ARHGAP15: variants seen among roughly 807,000 people sequenced by gnomAD.
ARHGAP15 encodes the protein Rho GTPase activating protein 15, also known as rho GTPase-activating protein 15.
ARHGAP15 carries 51 observed loss-of-function variants against 63.7 expected under a neutral mutation model. The observed-to-expected ratio is 0.80, with a 90% CI of 0.64 to 1.01. The LOEUF is 1.01. Among genes scored for constraint, ARHGAP15 ranks in the 50% least tolerant of loss-of-function variants. The pLI is 0.00. For synonymous variants in ARHGAP15, 191 were observed against 193.8 expected (o/e 0.99, Z 0.12); for missense variants, 560 against 564.6 (o/e 0.99, Z 0.08).
chr2:143,733,600 T>C (rs1364617944), intron 13 of ARHGAP15, among the ~76,000 whole-genome samples: 1 of 152,208 alleles, frequency 6.6e-6, no homozygotes. Context: ...GAAAATACAG[T>C]AGCAAGTTTA....
At chr2:143,741,449 A>G (rs1163088442) in intron 13 of ARHGAP15, among the ~76,000 whole-genome samples, 1 of 152,138 alleles carries the variant, frequency 6.6e-6, no homozygotes, top group Non-Finnish European at 1.5e-5. Flanking sequence ...TCCCCCCAAA[A>G]AGGTTGGAAT....
chr2:143,428,145 A>G (rs1432641236), intron 6 of ARHGAP15, among the ~76,000 whole-genome samples: 1 of 152,036 alleles, frequency 6.6e-6, no homozygotes, highest in Admixed American at 6.6e-5. Context: ...GGGAATATCT[A>G]TTTCAAAGAA....
intron 6 of ARHGAP15, among the ~76,000 whole-genome samples, chr2:143,405,843 T>A (rs974626247): frequency 1.3e-5 from 2 of 151,900 alleles, no homozygotes; most frequent in African/African-American, 2.4e-5. Context: ...GAAGTCAGCA[T>A]GTTTTGCTCT....
chr2:143,763,382 C>T (rs182396700), intron 13 of ARHGAP15, among the ~76,000 whole-genome samples: 112 of 152,136 alleles, frequency 7.4e-4, no homozygotes, highest in Non-Finnish European at 1.4e-3. Flanking sequence ...CAGACATTCC[C>T]AGTTTGGGGG....
At chr2:143,645,714 A>G (rs552578804) in intron 12 of ARHGAP15, among the ~76,000 whole-genome samples, 1 of 152,216 alleles carries the variant, frequency 6.6e-6, no homozygotes, top group South Asian at 2.1e-4. Context: ...AGTAAGTCAA[A>G]TTCCGCGATA....
At chr2:143,390,114 T>C (rs1414148578) in intron 6 of ARHGAP15, among the ~76,000 whole-genome samples, 1 of 151,936 alleles carries the variant, frequency 6.6e-6, no homozygotes, top group Non-Finnish European at 1.5e-5. Flanking sequence ...AGCCTTTAAA[T>C]ATAAAAGAGA....
At position 143,414,793 on chromosome 2, in the gene ARHGAP15, C is replaced by T. The variant is rs151011307; in HGVS notation, c.475-20808C>T. Among the ~76,000 whole-genome samples the T allele has an allele frequency of 2.9e-3, 439 of 152,190 alleles. 3 individuals are homozygous for T. Among genetic ancestry groups the T allele is most frequent in the African/African-American group, 9.9e-3 (411 of 41,526 alleles). On this transcript the variant is annotated intron_variant, in intron 6 of 13. Coordinates refer to ENST00000295095, the MANE Select transcript of ARHGAP15 (RefSeq NM_018460.4). ...TTGTAAAATACAAAAGTTAGCCGGG[C>T]GTGGTGGCGCATGCCTATAATCCCA...
At chr2:143,668,702 T>G (rs1682363794) in intron 12 of ARHGAP15, among the ~76,000 whole-genome samples, 1 of 152,232 alleles carries the variant, frequency 6.6e-6, no homozygotes, top group Non-Finnish European at 1.5e-5. Flanking sequence ...AAGCCTGAAG[T>G]TCTGATATAC....
At chr2:143,221,682 C>T (rs1693002922) in intron 4 of ARHGAP15, among the ~76,000 whole-genome samples, 1 of 152,172 alleles carries the variant, frequency 6.6e-6, no homozygotes. Flanking sequence ...ACTTTCTTCT[C>T]CCTCGGCATC....
At chr2:143,218,783 C>G (rs977921420) in intron 4 of ARHGAP15, among the ~76,000 whole-genome samples, 1 of 152,092 alleles carries the variant, frequency 6.6e-6, no homozygotes, top group African/African-American at 2.4e-5. Flanking sequence ...GTGATATAGC[C>G]TATTGCTCCT....
At chr2:143,605,433 A>T (rs1009354256) in intron 11 of ARHGAP15, among the ~76,000 whole-genome samples, 1 of 152,142 alleles carries the variant, frequency 6.6e-6, no homozygotes, top group Non-Finnish European at 1.5e-5. Context: ...CTATATATCC[A>T]GGTAAAGAAT....
intron 13 of ARHGAP15, among the ~76,000 whole-genome samples, chr2:143,756,075 T>A (rs1278146439): frequency 6.6e-6 from 1 of 152,178 alleles, no homozygotes; most frequent in Non-Finnish European, 1.5e-5. Context: ...TATTTTTCAG[T>A]CATTTAAACA....
At chr2:143,675,862 G>A (rs1682799706) in intron 12 of ARHGAP15, among the ~76,000 whole-genome samples, 1 of 152,220 alleles carries the variant, frequency 6.6e-6, no homozygotes, top group Non-Finnish European at 1.5e-5. Flanking sequence ...AAGAGAGCCA[G>A]CCTGTCCTTT....
chr2:143,262,557 T>TTTTTTTTTTTTTTTTTTTG (rs1680779097), intron 6 of ARHGAP15, among the ~76,000 whole-genome samples: 1 of 150,022 alleles, frequency 6.7e-6, no homozygotes, highest in African/African-American at 2.5e-5. Context: ...TTTTTTTTTT[T>TTTTTTTTTTTTTTTTTTTG]TTACTTTGTC....
At chr2:143,643,430 C>T (rs994290550) in intron 12 of ARHGAP15, among the ~76,000 whole-genome samples, 1 of 43,846 alleles carries the variant, frequency 2.3e-5, no homozygotes, top group African/African-American at 7.2e-5. Context: ...TCCACCCACC[C>T]CCCCCCACCA....
intron 2 of ARHGAP15, among the ~76,000 whole-genome samples, chr2:143,189,714 A>C (rs1574069410): frequency 6.6e-6 from 1 of 151,860 alleles, no homozygotes; most frequent in Non-Finnish European, 1.5e-5. Flanking sequence ...CACCCACCTC[A>C]GCCTCCCAAA....
At chr2:143,381,609 C>T (rs572071645) in intron 6 of ARHGAP15, among the ~76,000 whole-genome samples, 26 of 152,270 alleles carry the variant, frequency 1.7e-4, no homozygotes, top group Non-Finnish European at 3.1e-4. Context: ...ACAGCTGGTA[C>T]TGCTTGACTG....
rs561672828 is a variant in ARHGAP15 at position 143,739,461 on chromosome 2, A to G, written c.1245-28528A>G. On this transcript the variant is annotated intron_variant, in intron 13 of 13. Transcript: ENST00000295095. ...TCCATAGGCTCTTATAAGAAACTTG[A>G]GTGCAGCTGAAGCAGGCAAGAAATA... Among the ~76,000 whole-genome samples, 104 of 152,294 alleles carry G rather than the reference A, an allele frequency of 6.8e-4. 1 individual carries two copies. The highest frequency in any genetic ancestry group is 2.5e-3 in the African/African-American group (102 of 41,568).
intron 6 of ARHGAP15, among the ~76,000 whole-genome samples, chr2:143,278,890 G>A (rs1398476314): frequency 1.4e-5 from 2 of 144,308 alleles, no homozygotes; most frequent in Non-Finnish European, 3.0e-5. Context: ...TTTTGGCCAG[G>A]CTACATGTAA....
Sources: gnomAD v4.1 joint callset for allele counts (sites outside exome capture counted in the v4.1 genomes callset) on GRCh38, gnomAD v4.1.1 for gene constraint, MANE v1.5 for transcripts, NCBI Gene and HGNC (gene_info 2026-07-23, HGNC 2026-07-21) for gene names.